The following SGTB variants were observed in gnomAD, a reference collection of about 807,000 sequenced individuals.
SGTB encodes the protein small glutamine rich tetratricopeptide repeat co-chaperone beta, also known as small glutamine-rich tetratricopeptide repeat-containing protein beta.
A neutral mutation model predicts 43.9 loss-of-function variants in SGTB; 19 were observed. The observed-to-expected ratio is 0.43, with a 90% CI of 0.30 to 0.63. The LOEUF is 0.63. Among genes scored for constraint, SGTB ranks in the 30% least tolerant of loss-of-function variants. The probability of loss-of-function intolerance (pLI) is 0.12; values close to 1 mark genes in which losing one functional copy is unlikely to be tolerated. For synonymous variants in SGTB, 116 were observed against 117.3 expected, an observed-to-expected ratio of 0.99 and a Z score of 0.07; for missense variants, 304 against 358.9, an observed-to-expected ratio of 0.85 and a Z score of 1.24.
At chr5:65,681,786 C>G (rs1579858866) in intron 6 of SGTB, among the ~76,000 whole-genome samples, 1 of 152,042 alleles carries the variant, frequency 6.6e-6, no homozygotes, top group Admixed American at 6.6e-5. Flanking sequence ...ACCAGTCTGG[C>G]CAACATGGTG....
At chr5:65,707,933 G>A (rs925139587) in intron 4 of SGTB, among the ~76,000 whole-genome samples, 2 of 152,120 alleles carry the variant, frequency 1.3e-5, no homozygotes, top group African/African-American at 4.8e-5. Context: ...GGCCTCACCT[G>A]GCTCCCGTCT....
chr5:65,704,042 A>AT (rs1554025707), intron 5 of SGTB, among the ~76,000 whole-genome samples: 10,654 of 83,132 alleles, frequency 0.13, 426 homozygotes, highest in African/African-American at 0.15. Context: ...TCTCAAAAAA[A>AT]AAAAAAAAAA....
intron 8 of SGTB, among the ~76,000 whole-genome samples, chr5:65,676,512 T>C (rs533739238): frequency 6.6e-6 from 1 of 152,202 alleles, no homozygotes; most frequent in East Asian, 1.9e-4. Flanking sequence ...CTGCTGACAA[T>C]AGTAGACAGA....
At chr5:65,681,321 T>C (rs1757392873) in intron 6 of SGTB, among the ~76,000 whole-genome samples, 1 of 152,128 alleles carries the variant, frequency 6.6e-6, no homozygotes, top group Non-Finnish European at 1.5e-5. Context: ...TAGATAAAAT[T>C]AGCATCCTTT....
intron 8 of SGTB, among the ~76,000 whole-genome samples, chr5:65,676,361 G>A (rs562617619): frequency 6.4e-4 from 97 of 152,024 alleles, no homozygotes; most frequent in African/African-American, 2.3e-3. Flanking sequence ...TAATGGTAAA[G>A]GGTTCAATTC....
chr5:65,720,143 G>A (rs1197295337), intron 2 of SGTB, among the ~76,000 whole-genome samples: 7 of 143,886 alleles, frequency 4.9e-5, no homozygotes, highest in African/African-American at 1.8e-4. Flanking sequence ...GTGCAGTGGT[G>A]TGATCTCAGC....
chr5:65,722,130 C>CGGGGCCGGACGCGAGGGCT (rs956653547), upstream of SGTB: 12 of 189,564 alleles, frequency 6.3e-5, no homozygotes, highest in Admixed American at 6.1e-5. Context: ...GCCCCTGGGG[C>CGGGGCCGGACGCGAGGGCT]GGGGCCGGAC....
intron 6 of SGTB, among the ~76,000 whole-genome samples, chr5:65,682,007 T>C (rs1212074326): frequency 6.6e-6 from 1 of 151,994 alleles, no homozygotes; most frequent in African/African-American, 2.4e-5. Flanking sequence ...TTTCTGTCTT[T>C]AAGAAAATTT....
intron 5 of SGTB, among the ~76,000 whole-genome samples, chr5:65,699,785 C>T (rs1757778972): frequency 6.6e-6 from 1 of 152,302 alleles, no homozygotes; most frequent in East Asian, 1.9e-4. Flanking sequence ...AGATATGGTA[C>T]TCTTCTCAAG....
intron 5 of SGTB, among the ~76,000 whole-genome samples, chr5:65,688,246 GA>G (rs1434213003): frequency 6.6e-6 from 1 of 152,190 alleles, no homozygotes; most frequent in East Asian, 1.9e-4. Context: ...AACGGAGCAT[GA>G]GATATATACT....
In SGTB at chr5:65,720,757, T is replaced by A; in HGVS notation, c.51A>T (p.Glu17Asp). Residue 17 changes from glutamate (E) to aspartate (D), a missense_variant, in exon 2 of 11, where the codon GAA (glutamate) becomes GAT (aspartate). Transcript: ENST00000381007. ...LVYAVIRFLR[E>D]QSQMDTYTSD... The stretch of plus-strand genomic sequence containing the variant: ...AGGTGTAAGTGTCCATCTGACTTTG[T>A]TCCCGTAAGAAACGAATAACTGCAT... 6.2e-7 allele frequency: 1 copy of A among 1,614,038 alleles called. No individual in the cohort carries two copies. Among genetic ancestry groups the A allele is most frequent in the South Asian group, 1.1e-5 (1 of 91,068 alleles).
intron 6 of SGTB, among the ~76,000 whole-genome samples, chr5:65,684,897 T>C (rs188417997): frequency 1.3e-5 from 2 of 152,272 alleles, no homozygotes; most frequent in South Asian, 2.1e-4. Context: ...TCTGTGTAGA[T>C]ACAAATGTAG....
intron 3 of SGTB, 24 bp from the exon 4 acceptor site, chr5:65,708,582 C>T (rs758794165): frequency 3.7e-5 from 59 of 1,591,506 alleles, no homozygotes; most frequent in Non-Finnish European, 1.3e-5. Flanking sequence ...AAAATCAATG[C>T]ACTTCCCTTT....
At chr5:65,690,925 T>C (rs2150711449) in intron 5 of SGTB, among the ~76,000 whole-genome samples, 1 of 152,366 alleles carries the variant, frequency 6.6e-6, no homozygotes, top group South Asian at 2.1e-4. Flanking sequence ...TCAGTATATA[T>C]GCTTAGTGAG....
Position 65,686,516 on chromosome 5 carries a change from TG to T in SGTB, c.375-1045del, listed in dbSNP as rs1298216216. 5.3e-5 allele frequency among the ~76,000 whole-genome samples: 8 copies of T among 150,364 alleles called. No homozygotes were observed. The East Asian group carries it at 5.8e-4, about 11-fold the overall frequency. On this transcript the variant is annotated intron_variant, in intron 5 of 10. Transcript: ENST00000381007. ...CCTTTATTCTCTCTTTACCCACATT[TG>T]TTTTTTTTTTTTTTCCTTTTTGTAG...
chr5:65,683,229 T>C (rs1293230324), intron 6 of SGTB, among the ~76,000 whole-genome samples: 1 of 151,714 alleles, frequency 6.6e-6, no homozygotes, highest in Non-Finnish European at 1.5e-5. Flanking sequence ...AAAAAAAATG[T>C]AGCACTAAAT....
intron 5 of SGTB, among the ~76,000 whole-genome samples, chr5:65,687,693 C>G (rs1480865812): frequency 1.3e-5 from 2 of 152,112 alleles, no homozygotes; most frequent in African/African-American, 4.8e-5. Flanking sequence ...GAGAACAGTT[C>G]AGAGAGAGAA....
chr5:65,678,442 A>G (rs1561151814), intron 8 of SGTB, among the ~76,000 whole-genome samples: 1 of 152,244 alleles, frequency 6.6e-6, no homozygotes, highest in Admixed American at 6.5e-5. Flanking sequence ...TATAGATTCA[A>G]TGCTATTCCC....
Position 65,720,770 on chromosome 5 carries a change from C to A in SGTB, c.38G>T (p.Arg13Leu). The A allele has an allele frequency of 3.1e-6, 5 of 1,613,780 alleles. No homozygotes were observed. The highest frequency in any genetic ancestry group is 4.2e-6 in the Non-Finnish European group (5 of 1,179,896). ...CATCTGACTTTGTTCCCGTAAGAAA[C>A]GAATAACTGCATAAACCAGGTGCTT... ...SIKHLVYAVI[R>L]FLREQSQMDT... Residue 13 changes from arginine to leucine, a missense_variant, in exon 2 of 11, where the codon CGT becomes CTT. Physicochemically the swap from Arg to Leu is moderately radical, Grantham distance 102. Coordinates refer to ENST00000381007, the MANE Select transcript of SGTB (RefSeq NM_019072.3).
Sources: gnomAD v4.1 joint callset for allele counts (sites outside exome capture counted in the v4.1 genomes callset) on GRCh38, gnomAD v4.1.1 for gene constraint, MANE v1.5 for transcripts, NCBI Gene and HGNC (gene_info 2026-07-23, HGNC 2026-07-21) for gene names.